STAMBPL1: variants seen among roughly 807,000 people sequenced by gnomAD.
STAMBPL1 encodes the protein AMSH-like protease.
STAMBPL1 carries 44 observed loss-of-function variants against 52.9 expected under a neutral mutation model. The ratio of observed to expected loss-of-function variants is 0.83; its 90% CI spans 0.65 to 1.07. The LOEUF (loss-of-function observed/expected upper bound fraction) is 1.07, where lower values mean the gene tolerates loss of function less well. Among genes scored for constraint, STAMBPL1 ranks in the 50% least tolerant of loss-of-function variants. The pLI, the probability that STAMBPL1 is intolerant of heterozygous loss-of-function variation, is 0.00. For missense variants in STAMBPL1, 511 were observed against 520.8 expected (o/e 0.98, Z 0.18); for synonymous variants, 164 against 177.3 (o/e 0.92, Z 0.60).
At chr10:88,919,419 A>C (rs944241962) in intron 8 of STAMBPL1, among the ~76,000 whole-genome samples, 1 of 152,136 alleles carries the variant, frequency 6.6e-6, no homozygotes. Context: ...CCATGGGAAA[A>C]CTGTCCTAAT....
At chr10:88,914,707 A>G (rs184940681) in intron 7 of STAMBPL1, 49 bp downstream of exon 7, 2 of 798,980 alleles carry the variant, frequency 2.5e-6, no homozygotes, top group Non-Finnish European at 3.3e-6. Context: ...TGCATAGGAT[A>G]CTTTTAATAG....
At chr10:88,910,142 A>G (rs1162265435) in intron 4 of STAMBPL1, among the ~76,000 whole-genome samples, 7 of 152,194 alleles carry the variant, frequency 4.6e-5, no homozygotes, top group African/African-American at 1.7e-4. Flanking sequence ...GAATAGATAT[A>G]TGAATAAATA....
intron 8 of STAMBPL1, among the ~76,000 whole-genome samples, chr10:88,919,967 G>T (rs1294011183): frequency 1.3e-5 from 2 of 151,750 alleles, no homozygotes; most frequent in Non-Finnish European, 2.9e-5. Context: ...CCCTCAAGTA[G>T]TTGAGACTAC....
intron 2 of STAMBPL1, among the ~76,000 whole-genome samples, chr10:88,902,576 CT>C (rs200481272): frequency 3.6e-4 from 53 of 146,994 alleles, no homozygotes; most frequent in Non-Finnish European, 3.8e-4. Flanking sequence ...AATGTTTTTT[CT>C]TTTTTTTTTT....
In STAMBPL1 at chr10:88,916,752, G is replaced by A. The variant is rs781711232; in HGVS notation, c.976G>A (p.Glu326Lys). The A allele has an allele frequency of 6.2e-7, 1 of 1,610,356 alleles. No individual in the cohort carries two copies. The highest frequency in any genetic ancestry group is 8.5e-7 in the Non-Finnish European group (1 of 1,178,416). The change falls in exon 8 of 11, where the codon GAG (glutamate) becomes AAG (lysine). Residue 326 changes from glutamate (E) to lysine (K), a missense_variant. Coordinates refer to ENST00000371926, the MANE Select transcript of STAMBPL1 (RefSeq NM_020799.4). ...QSAGPDYCDM[E>K]NVEELFNVQD... ...TGCGGGACCAGACTATTGTGACATG[G>A]AGAATGTAGAGGAATTATTCAATGT...
intron 1 of STAMBPL1, among the ~76,000 whole-genome samples, chr10:88,897,555 C>T (rs2133152346): frequency 6.6e-6 from 1 of 152,212 alleles, no homozygotes; most frequent in East Asian, 1.9e-4. Flanking sequence ...GTTATCAAGC[C>T]ACAAGAATGT....
intron 8 of STAMBPL1, among the ~76,000 whole-genome samples, chr10:88,918,659 A>G (rs996187536): frequency 1.3e-5 from 2 of 152,182 alleles, no homozygotes; most frequent in African/African-American, 4.8e-5. Flanking sequence ...GGAAATTGCT[A>G]TATTATTTAG....
Position 88,900,047 on chromosome 10 carries a change from G to A in STAMBPL1, c.-53-1609G>A, listed in dbSNP as rs945034162. ...TCTAAACTACACTGTGATGAACCAT[G>A]TTTTTTCTTTCTTGGGCATTTTTTA... On this transcript the variant is annotated intron_variant, in intron 1 of 10. Transcript: ENST00000371926. Among the ~76,000 whole-genome samples, 3 of 152,158 alleles carry A rather than the reference G, an allele frequency of 2.0e-5. No homozygotes were observed. In the South Asian group the frequency reaches 6.2e-4, roughly 32 times the overall value.
chr10:88,921,396 G>GT lies in STAMBPL1; in HGVS notation c.1154+2dup. 6.2e-7 allele frequency: 1 copy of GT among 1,611,094 alleles called. No individual in the cohort carries two copies. The highest frequency in any genetic ancestry group is 8.5e-7 in the Non-Finnish European group (1 of 1,177,668). On this transcript the variant is annotated splice_donor_variant, in intron 9 of 10. Transcript: ENST00000371926. LOFTEE classifies it high-confidence loss of function. ...TTGTTTGCTCACCAAAGCATAAAGA[G>GT]TAAGTGTAACTCTTCAGGGGAGACC...
At chr10:88,881,051 G>A (rs1844392119) in intron 1 of STAMBPL1, among the ~76,000 whole-genome samples, 1 of 152,140 alleles carries the variant, frequency 6.6e-6, no homozygotes, top group African/African-American at 2.4e-5. Context: ...TAGCGGCGCG[G>A]TGTGGAGGAG....
At chr10:88,904,234 G>A (rs1845018126) in intron 2 of STAMBPL1, among the ~76,000 whole-genome samples, 1 of 152,158 alleles carries the variant, frequency 6.6e-6, no homozygotes, top group South Asian at 2.1e-4. Flanking sequence ...GAAGGGGTTG[G>A]TCTAAAGCCT....
chr10:88,880,372 G>C lies in STAMBPL1; in HGVS notation c.-320G>C, dbSNP rs1393811664. The C allele has an allele frequency of 6.6e-6, 1 of 152,196 alleles. No individual in the cohort carries two copies. The highest frequency in any genetic ancestry group is 1.5e-5 in the Non-Finnish European group (1 of 68,064). The allele number at this position is 152,196 out of a possible 1,614,324, so 9.4% of individuals were successfully genotyped here. On this transcript the variant is annotated 5_prime_UTR_variant, in exon 1 of 11. Coordinates refer to ENST00000371926, the MANE Select transcript of STAMBPL1 (RefSeq NM_020799.4). Reference sequence around the variant, plus strand: ...CCTGCGCTGGGGTGTCCGACAGCGAGGAGGAGAACGACGCACGGAGCCCGC... The same window carrying C: ...CCTGCGCTGGGGTGTCCGACAGCGACGAGGAGAACGACGCACGGAGCCCGC...
At chr10:88,886,031 A>G (rs569879341) in intron 1 of STAMBPL1, among the ~76,000 whole-genome samples, 25 of 152,368 alleles carry the variant, frequency 1.6e-4, no homozygotes, top group African/African-American at 5.8e-4. Flanking sequence ...GTAGAAGGAG[A>G]GATATATGTG....
chr10:88,914,474 T>C, intron 6 of STAMBPL1, 60 bp from the exon 7 acceptor site: 1 of 1,333,810 alleles, frequency 7.5e-7, no homozygotes, highest in South Asian at 2.2e-5. Flanking sequence ...CCAATAACAA[T>C]TTTGAAAGAT....
intron 1 of STAMBPL1, among the ~76,000 whole-genome samples, chr10:88,883,422 T>C (rs1178976617): frequency 6.6e-6 from 1 of 152,204 alleles, no homozygotes; most frequent in Non-Finnish European, 1.5e-5. Context: ...ATTCCACCTA[T>C]CTGAACATGT....
chr10:88,887,271 A>G (rs1313697299), intron 1 of STAMBPL1, among the ~76,000 whole-genome samples: 4 of 152,214 alleles, frequency 2.6e-5, no homozygotes, highest in African/African-American at 9.7e-5. Flanking sequence ...AAATCACTCA[A>G]AATCATTGGT....
chr10:88,908,115 G>C (rs1180331135), intron 3 of STAMBPL1, among the ~76,000 whole-genome samples: 1 of 152,168 alleles, frequency 6.6e-6, no homozygotes, highest in African/African-American at 2.4e-5. Context: ...GATGCACCTG[G>C]TTTGCTGTAG....
At chr10:88,918,312 C>CAT (rs1845423676) in intron 8 of STAMBPL1, among the ~76,000 whole-genome samples, 1 of 151,784 alleles carries the variant, frequency 6.6e-6, no homozygotes, top group Non-Finnish European at 1.5e-5. Context: ...CACATACACA[C>CAT]ACACACACAC....
At chr10:88,897,790 C>T (rs1844848931) in intron 1 of STAMBPL1, among the ~76,000 whole-genome samples, 1 of 152,158 alleles carries the variant, frequency 6.6e-6, no homozygotes, top group East Asian at 1.9e-4. Context: ...GCTGTTTGCA[C>T]CGTGTGCTTT....
Sources: gnomAD v4.1 joint callset for allele counts (sites outside exome capture counted in the v4.1 genomes callset) on GRCh38, gnomAD v4.1.1 for gene constraint, MANE v1.5 for transcripts, NCBI Gene and HGNC (gene_info 2026-07-23, HGNC 2026-07-21) for gene names.